The following TENM2 variants were observed in gnomAD, a reference collection of about 807,000 sequenced individuals.
TENM2 encodes the protein teneurin transmembrane protein 2.
TENM2 carries 52 observed loss-of-function variants against 245.2 expected under a neutral mutation model. That is an observed-to-expected ratio of 0.21 (90% CI 0.17 to 0.27). The LOEUF (loss-of-function observed/expected upper bound fraction) is 0.27, where lower values mean the gene tolerates loss of function less well. Among genes scored for constraint, TENM2 ranks in the 10% least tolerant of loss-of-function variants. The probability of loss-of-function intolerance (pLI) is 1.00; values close to 1 mark genes in which losing one functional copy is unlikely to be tolerated. For missense variants in TENM2, 3,046 were observed against 3,666.8 expected (o/e 0.83, Z 4.37); for synonymous variants, 1,363 against 1,438.9 (o/e 0.95, Z 1.19).
At chr5:167,733,178 C>A (rs11950866) in intron 2 of TENM2, among the ~76,000 whole-genome samples, 4,469 of 152,206 alleles carry the variant, frequency 0.029, 207 homozygotes, top group African/African-American at 0.1. Context: ...CCTGCTACCC[C>A]TTCCCTTCTG....
In TENM2 at chr5:167,761,335, G is replaced by A. The variant is rs1048811951; in HGVS notation, c.503-114651G>A. ...CTCAACCAGGGCAGGAAACGTGTTT[G>A]TGTTATTCACTGATCTACCCCATCA... On this transcript the variant is annotated intron_variant, in intron 2 of 28. Coordinates refer to ENST00000518659, the Ensembl canonical transcript of TENM2. 8.5e-5 allele frequency among the ~76,000 whole-genome samples: 13 copies of A among 152,150 alleles called. No individual in the cohort carries two copies. In the East Asian group the frequency reaches 1.2e-3, roughly 14 times the overall value.
intron 5 of TENM2, among the ~76,000 whole-genome samples, chr5:168,003,891 AGG>A (rs1784603246): frequency 6.6e-6 from 1 of 152,236 alleles, no homozygotes; most frequent in Non-Finnish European, 1.5e-5. Flanking sequence ...AGTATGAAGG[AGG>A]GCCTCGAGAA....
At chr5:167,853,925 A>G (rs550205055) in intron 2 of TENM2, among the ~76,000 whole-genome samples, 1 of 152,332 alleles carries the variant, frequency 6.6e-6, no homozygotes, top group African/African-American at 2.4e-5. Flanking sequence ...CTGCTTCCCT[A>G]TCATGAAAAC....
At chr5:167,174,829 T>C in the TENM2 span, among the ~76,000 whole-genome samples, 1 of 152,146 alleles carries the variant, frequency 6.6e-6, no homozygotes, top group East Asian at 1.9e-4. Context: ...CTCCCTGTTT[T>C]TTCTGCCCCA....
the TENM2 span, among the ~76,000 whole-genome samples, chr5:167,191,687 G>A: frequency 1.3e-5 from 2 of 152,050 alleles, no homozygotes; most frequent in East Asian, 1.9e-4. Context: ...GGATACCACT[G>A]CATGAGACTA....
chr5:167,891,789 G>A (rs7719650), intron 3 of TENM2, among the ~76,000 whole-genome samples: 101,196 of 151,814 alleles, frequency 0.67, 34,549 homozygotes, highest in South Asian at 0.79. Flanking sequence ...ATCTATCATC[G>A]CATCTGAGCC....
intron 2 of TENM2, among the ~76,000 whole-genome samples, chr5:167,667,461 G>A (rs748149743): frequency 1.4e-4 from 21 of 152,114 alleles, no homozygotes; most frequent in Non-Finnish European, 2.9e-4. Flanking sequence ...AGACAAAGCC[G>A]AGTCATCAGT....
At chr5:167,313,239 G>A (rs552152247) in intron 1 of TENM2, among the ~76,000 whole-genome samples, 9 of 152,124 alleles carry the variant, frequency 5.9e-5, no homozygotes, top group Non-Finnish European at 1.2e-4. Flanking sequence ...TCTGTTCTTG[G>A]CATCTATGTT....
chr5:167,094,084 A>C, the TENM2 span, among the ~76,000 whole-genome samples: 13 of 152,220 alleles, frequency 8.5e-5, no homozygotes, highest in Admixed American at 8.5e-4. Context: ...ATGCCTAGTA[A>C]TTACAAAAAT....
chr5:167,934,148 A>G (rs1778511312), intron 3 of TENM2, among the ~76,000 whole-genome samples: 1 of 152,230 alleles, frequency 6.6e-6, no homozygotes, highest in Non-Finnish European at 1.5e-5. Context: ...ATTATCATGG[A>G]CAGCTTTCTT....
At chr5:167,071,878 G>GCCCCCCCCCCCC in the TENM2 span, among the ~76,000 whole-genome samples, 7 of 124,108 alleles carry the variant, frequency 5.6e-5, no homozygotes, top group Admixed American at 9.2e-5. Context: ...TTGACAAATC[G>GCCCCCCCCCCCC]CCCCCCCCCG....
At chr5:168,154,164 A>AAAAAAAAC (rs1171979738) in intron 12 of TENM2, among the ~76,000 whole-genome samples, 2 of 150,748 alleles carry the variant, frequency 1.3e-5, no homozygotes, top group African/African-American at 4.9e-5. Context: ...AAAAAAAAAA[A>AAAAAAAAC]AACAGTAAGA....
chr5:167,650,457 T>C (rs558536734), intron 2 of TENM2, among the ~76,000 whole-genome samples: 1 of 152,188 alleles, frequency 6.6e-6, no homozygotes, highest in Non-Finnish European at 1.5e-5. Context: ...TAATACATCT[T>C]TAATGCTGAT....
intron 2 of TENM2, among the ~76,000 whole-genome samples, chr5:167,776,366 G>A (rs1331592429): frequency 1.3e-5 from 2 of 151,622 alleles, no homozygotes; most frequent in Non-Finnish European, 2.9e-5. Flanking sequence ...GGAGGCCAAG[G>A]CAGGTGGATT....
intron 2 of TENM2, among the ~76,000 whole-genome samples, chr5:167,832,739 T>C (rs754232740): frequency 5.3e-5 from 8 of 151,938 alleles, no homozygotes; most frequent in Non-Finnish European, 8.8e-5. Flanking sequence ...GAAAGAAATA[T>C]ATGTAGAGAG....
chr5:167,632,088 C>T (rs1326589585), intron 2 of TENM2, among the ~76,000 whole-genome samples: 1 of 152,120 alleles, frequency 6.6e-6, no homozygotes, highest in Non-Finnish European at 1.5e-5. Flanking sequence ...TCTGCCATCT[C>T]ACATCTGCAG....
At chr5:167,767,240 C>T (rs995136864) in intron 2 of TENM2, among the ~76,000 whole-genome samples, 6 of 152,228 alleles carry the variant, frequency 3.9e-5, no homozygotes, top group Non-Finnish European at 8.8e-5. Flanking sequence ...AATTCTGACA[C>T]ATACTACAAC....
chr5:167,210,758 C>T, the TENM2 span, among the ~76,000 whole-genome samples: 12 of 152,260 alleles, frequency 7.9e-5, no homozygotes, highest in South Asian at 2.1e-4. Flanking sequence ...CCACCGCGCC[C>T]GGCCTTCATT....
At chr5:168,250,588 T>C (rs1403534082) in intron 27 of TENM2, among the ~76,000 whole-genome samples, 1 of 152,126 alleles carries the variant, frequency 6.6e-6, no homozygotes, top group African/African-American at 2.4e-5. Context: ...CAAACATCCT[T>C]AAAGATCAAC....
Sources: allele counts gnomAD v4.1 joint callset (sites outside exome capture counted in the v4.1 genomes callset), GRCh38; gene constraint gnomAD v4.1.1; transcripts MANE v1.5; gene names NCBI Gene and HGNC (gene_info 2026-07-23, HGNC 2026-07-21).